The following RNF217 variants were observed in gnomAD, a reference collection of about 807,000 sequenced individuals.
The protein encoded by RNF217 is ring finger protein 217.
A neutral mutation model predicts 57.8 loss-of-function variants in RNF217; 31 were observed. That is an observed-to-expected ratio of 0.54 (90% CI 0.40 to 0.72). RNF217 has a LOEUF of 0.72. RNF217 is among the 30% of genes least tolerant of loss of function. The pLI, the probability that RNF217 is intolerant of heterozygous loss-of-function variation, is 0.00. For missense variants in RNF217, 696 were observed against 708.3 expected, an observed-to-expected ratio of 0.98 and a Z score of 0.20; for synonymous variants, 313 against 294.0, an observed-to-expected ratio of 1.06 and a Z score of -0.66.
intron 3 of RNF217, among the ~76,000 whole-genome samples, chr6:125,063,553 G>A (rs1323434916): frequency 6.6e-6 from 1 of 152,010 alleles, no homozygotes; most frequent in Non-Finnish European, 1.5e-5. Flanking sequence ...CTCCTCTGTA[G>A]TTACTATAAA....
At chr6:125,016,420 G>T (rs970936911) in intron 1 of RNF217, among the ~76,000 whole-genome samples, 4 of 152,002 alleles carry the variant, frequency 2.6e-5, no homozygotes, top group Non-Finnish European at 5.9e-5. Context: ...CTCTTTGATG[G>T]TATATGAAAT....
intron 1 of RNF217, among the ~76,000 whole-genome samples, chr6:125,004,891 C>A (rs1158106719): frequency 6.6e-6 from 1 of 152,118 alleles, no homozygotes; most frequent in Non-Finnish European, 1.5e-5. Context: ...GCTGCTATAA[C>A]AGAATACCAC....
At chr6:125,031,143 GC>G (rs1204172155) in intron 1 of RNF217, among the ~76,000 whole-genome samples, 2 of 152,204 alleles carry the variant, frequency 1.3e-5, no homozygotes, top group Non-Finnish European at 2.9e-5. Flanking sequence ...GGGACACAGG[GC>G]ACCAAGTCCC....
At chr6:125,021,095 C>G (rs1785818223) in intron 1 of RNF217, among the ~76,000 whole-genome samples, 1 of 151,968 alleles carries the variant, frequency 6.6e-6, no homozygotes, top group African/African-American at 2.4e-5. Context: ...GGGAATCTAC[C>G]CTAAGGAAAC....
intron 1 of RNF217, among the ~76,000 whole-genome samples, chr6:125,016,863 A>G (rs1389267721): frequency 6.6e-6 from 1 of 152,176 alleles, no homozygotes; most frequent in Non-Finnish European, 1.5e-5. Context: ...GCAAACGGCC[A>G]TGGCACGCGT....
At chr6:125,002,914 G>A (rs1057149243) in intron 1 of RNF217, among the ~76,000 whole-genome samples, 2 of 152,232 alleles carry the variant, frequency 1.3e-5, no homozygotes, top group African/African-American at 4.8e-5. Context: ...ACAGCATAAG[G>A]CAATTATATC....
chr6:125,049,843 C>G (rs1285718316), intron 2 of RNF217, among the ~76,000 whole-genome samples: 2 of 151,614 alleles, frequency 1.3e-5, no homozygotes, highest in African/African-American at 4.8e-5. Context: ...TTGACTATGT[C>G]TGGAAGAGGA....
intron 4 of RNF217, among the ~76,000 whole-genome samples, chr6:125,080,323 A>G (rs1040296582): frequency 6.6e-6 from 1 of 152,276 alleles, no homozygotes; most frequent in Non-Finnish European, 1.5e-5. Flanking sequence ...TTTAAATTAG[A>G]TATTTAAAAC....
intron 1 of RNF217, among the ~76,000 whole-genome samples, chr6:125,020,064 G>A (rs1785775431): frequency 6.6e-6 from 1 of 152,100 alleles, no homozygotes; most frequent in African/African-American, 2.4e-5. Context: ...CAGTGCTGCT[G>A]GCGTGAGTTC....
At chr6:125,001,381 C>CT (rs1397558157) in intron 1 of RNF217, among the ~76,000 whole-genome samples, 1 of 152,114 alleles carries the variant, frequency 6.6e-6, no homozygotes, top group Non-Finnish European at 1.5e-5. Context: ...ATTTGTTGGA[C>CT]TTAATTCGAG....
At chr6:124,988,247 C>T (rs1029217771) in intron 1 of RNF217, among the ~76,000 whole-genome samples, 1 of 152,126 alleles carries the variant, frequency 6.6e-6, no homozygotes, top group Admixed American at 6.5e-5. Flanking sequence ...AGTTGTCTTC[C>T]ATGATACCAG....
chr6:125,022,911 A>C (rs914044442), intron 1 of RNF217, among the ~76,000 whole-genome samples: 1 of 152,062 alleles, frequency 6.6e-6, no homozygotes, highest in Admixed American at 6.6e-5. Flanking sequence ...CACTATCTCT[A>C]TTAACCTCTT....
chr6:125,030,353 C>T (rs1562476686), intron 1 of RNF217, among the ~76,000 whole-genome samples: 1 of 152,160 alleles, frequency 6.6e-6, no homozygotes, highest in African/African-American at 2.4e-5. Flanking sequence ...AAAGTCTTAA[C>T]TCATTTCAGC....
chr6:125,053,575 G>C (rs1787409624), intron 2 of RNF217, among the ~76,000 whole-genome samples: 1 of 152,070 alleles, frequency 6.6e-6, no homozygotes, highest in Non-Finnish European at 1.5e-5. Context: ...AATTTAGGCA[G>C]GAAAATAATG....
chr6:125,009,776 T>C (rs1488726056), intron 1 of RNF217, among the ~76,000 whole-genome samples: 2 of 152,166 alleles, frequency 1.3e-5, no homozygotes, highest in Admixed American at 6.5e-5. Context: ...TGCACATTCG[T>C]TGGGAGAACT....
At chr6:125,064,722 A>G (rs1787868285) in intron 3 of RNF217, among the ~76,000 whole-genome samples, 1 of 152,108 alleles carries the variant, frequency 6.6e-6, no homozygotes, top group Admixed American at 6.6e-5. Context: ...TTTATATTTA[A>G]TATTTTAAAA....
At chr6:125,011,243 TATTAC>T (rs1424573036) in intron 1 of RNF217, among the ~76,000 whole-genome samples, 2 of 152,116 alleles carry the variant, frequency 1.3e-5, no homozygotes, top group African/African-American at 4.8e-5. Context: ...AGCAAATAAA[TATTAC>T]ATGTAATTGG....
At chr6:124,975,315 A>G (rs1783916845) in intron 1 of RNF217, among the ~76,000 whole-genome samples, 1 of 152,222 alleles carries the variant, frequency 6.6e-6, no homozygotes, top group African/African-American at 2.4e-5. Flanking sequence ...CCTAATGTTT[A>G]GAGTTTAGCG....
chr6:125,045,994 A>G (rs949666296), intron 2 of RNF217, among the ~76,000 whole-genome samples: 9 of 152,090 alleles, frequency 5.9e-5, no homozygotes, highest in African/African-American at 2.2e-4. Context: ...TGACAGTCCA[A>G]TATGATTAGA....
Sources: allele counts gnomAD v4.1 joint callset (sites outside exome capture counted in the v4.1 genomes callset), GRCh38; gene constraint gnomAD v4.1.1; transcripts MANE v1.5; gene names NCBI Gene and HGNC (gene_info 2026-07-23, HGNC 2026-07-21).